Variants in AVEN observed in about 807,000 individuals in gnomAD.
The protein encoded by AVEN is apoptosis and caspase activation inhibitor, also known as cell death regulator Aven.
In AVEN, 41 loss-of-function variants were observed where a neutral mutation model predicts 38.1. The ratio of observed to expected loss-of-function variants is 1.08; its 90% CI spans 0.84 to 1.40. The LOEUF (loss-of-function observed/expected upper bound fraction) is 1.40, where lower values mean the gene tolerates loss of function less well. AVEN is among the 40% of genes most tolerant of loss of function. The pLI, the probability that AVEN is intolerant of heterozygous loss-of-function variation, is 0.00. For missense variants in AVEN, 605 were observed against 438.8 expected (o/e 1.38, Z -3.38); for synonymous variants, 206 against 171.8 (o/e 1.20, Z -1.56).
At chr15:33,852,085 G>A in the AVEN span, 1 of 68,204 alleles carries the variant, frequency 1.5e-5, no homozygotes, top group Admixed American at 1.7e-4. Context: ...TGAATAGTAG[G>A]AGGTCTCCAT....
chr15:34,058,992 G>A (rs1191499461), intron 5 of AVEN, among the ~76,000 whole-genome samples: 4 of 152,152 alleles, frequency 2.6e-5, no homozygotes, highest in Non-Finnish European at 5.9e-5. Context: ...CACCTCCTGA[G>A]TTCAAGCAAT....
intron 2 of AVEN, among the ~76,000 whole-genome samples, chr15:33,977,252 A>T (rs1296052428): frequency 6.6e-6 from 1 of 152,068 alleles, no homozygotes; most frequent in East Asian, 1.9e-4. Flanking sequence ...TGCCTTTAGG[A>T]TAACAAGAAC....
At chr15:33,938,180 T>C (rs1279953485) in intron 2 of AVEN, among the ~76,000 whole-genome samples, 1 of 151,780 alleles carries the variant, frequency 6.6e-6, no homozygotes, top group African/African-American at 2.4e-5. Flanking sequence ...ACCTGGCCAG[T>C]CGCGGTGGCT....
chr15:33,873,440 G>C (rs951335982), intron 3 of AVEN, among the ~76,000 whole-genome samples: 1 of 148,898 alleles, frequency 6.7e-6, no homozygotes. Context: ...CTGAGGACAT[G>C]GGATGGTATA....
intron 2 of AVEN, among the ~76,000 whole-genome samples, chr15:34,001,968 A>G (rs1349904981): frequency 1.3e-5 from 2 of 152,196 alleles, no homozygotes; most frequent in South Asian, 2.1e-4. Flanking sequence ...TGCATCCTTT[A>G]TATCTTTTTA....
chr15:33,903,341 A>T (rs1319730745), intron 2 of AVEN, among the ~76,000 whole-genome samples: 1 of 152,218 alleles, frequency 6.6e-6, no homozygotes, highest in Non-Finnish European at 1.5e-5. Flanking sequence ...CAGCAACAGC[A>T]GGTCTTCAGT....
intron 1 of AVEN, among the ~76,000 whole-genome samples, chr15:34,013,971 C>T (rs1897752370): frequency 1.3e-5 from 2 of 152,164 alleles, no homozygotes; most frequent in Non-Finnish European, 1.5e-5. Context: ...CACATTATCC[C>T]CTGCCTTGGT....
At chr15:33,854,554 A>G (rs114232918), downstream of AVEN, 2,400 of 1,096,440 alleles carry the variant, frequency 2.2e-3, 32 homozygotes, top group African/African-American at 0.032. Flanking sequence ...ATTGCTTATC[A>G]AAGACCAAGA....
intron 1 of AVEN, among the ~76,000 whole-genome samples, chr15:34,024,850 G>C (rs1358427200): frequency 2.3e-5 from 3 of 133,102 alleles, no homozygotes; most frequent in Non-Finnish European, 3.3e-5. Context: ...GACAAAGCAA[G>C]ACTCCTTCTC....
At chr15:33,859,432 C>CATGA (rs1284872450) in intron 11 of AVEN, 8 of 763,554 alleles carry the variant, frequency 1.0e-5, no homozygotes, top group Non-Finnish European at 1.7e-5. Context: ...CAGCTAGCAG[C>CATGA]ATGAATACTG....
intron 1 of AVEN, among the ~76,000 whole-genome samples, chr15:34,033,315 G>C (rs551162720): frequency 6.6e-6 from 1 of 152,254 alleles, no homozygotes; most frequent in East Asian, 1.9e-4. Context: ...AAACCAGCCT[G>C]AGCAACACGG....
chr15:33,945,404 C>T (rs1894468385), intron 2 of AVEN, among the ~76,000 whole-genome samples: 2 of 152,144 alleles, frequency 1.3e-5, no homozygotes. Context: ...ATGCCTTCCT[C>T]CAGTCTTGAT....
At chr15:33,860,348 A>G (rs4780186) in intron 11 of AVEN, among the ~76,000 whole-genome samples, 142,783 of 152,198 alleles carry the variant, frequency 0.94, 67,546 homozygotes, top group East Asian at 1. Context: ...GAGAAGTAGA[A>G]AGGAAAGAGT....
At position 33,881,349 on chromosome 15, in the gene AVEN, A is replaced by C. The variant is rs1280289868; in HGVS notation, c.446-5354T>G. ...AATCCACCACCTCAACCTCCCAAAG[A>C]GCTAGGATTACAGGTATGAGACACT... is the stretch of plus-strand genomic sequence containing the variant. On this transcript the variant is annotated intron_variant, in intron 2 of 5. Transcript: ENST00000306730. Among the ~76,000 whole-genome samples, 6 of 151,594 alleles carry C rather than the reference A, an allele frequency of 4.0e-5. No individual in the cohort carries two copies. The East Asian group carries it at 1.2e-3, about 30-fold the overall frequency.
At chr15:33,894,661 T>A (rs1197736108) in intron 2 of AVEN, among the ~76,000 whole-genome samples, 1 of 138,236 alleles carries the variant, frequency 7.2e-6, no homozygotes, top group Non-Finnish European at 1.5e-5. Flanking sequence ...ATACAAAAAA[T>A]TAGGTGGGCA....
In AVEN at chr15:33,867,487, A is replaced by G. The variant is rs772255503; in HGVS notation, c.973+8T>C. ...CAAGATTCACGGGGAATAAAATGAA[A>G]GCCATACCTTCTTCCTCTTGGACCA... On this transcript the variant is annotated splice_region_variant and intron_variant, in intron 5 of 5. Transcript: ENST00000306730. The G allele has an allele frequency of 1.9e-6, 3 of 1,552,778 alleles. No individual in the cohort carries two copies. The highest frequency in any genetic ancestry group is 1.7e-6 in the Non-Finnish European group (2 of 1,154,508).
intron 2 of AVEN, among the ~76,000 whole-genome samples, chr15:33,952,411 C>T (rs1253463070): frequency 1.3e-5 from 2 of 152,262 alleles, no homozygotes; most frequent in East Asian, 3.9e-4. Context: ...ATAATTGGGA[C>T]ACCTGTAGTA....
chr15:33,916,186 T>C (rs2153046500), intron 2 of AVEN, among the ~76,000 whole-genome samples: 1 of 152,246 alleles, frequency 6.6e-6, no homozygotes, highest in African/African-American at 2.4e-5. Context: ...GATGCCCTCT[T>C]GAAAGCACCA....
chr15:34,016,031 C>T (rs527511485), intron 1 of AVEN, among the ~76,000 whole-genome samples: 3 of 152,298 alleles, frequency 2.0e-5, no homozygotes, highest in African/African-American at 7.2e-5. Context: ...AATCCCAGCA[C>T]TTTGGGAGGC....
Sources: gnomAD v4.1 joint callset for allele counts (sites outside exome capture counted in the v4.1 genomes callset) on GRCh38, gnomAD v4.1.1 for gene constraint, MANE v1.5 for transcripts, NCBI Gene and HGNC (gene_info 2026-07-23, HGNC 2026-07-21) for gene names.